SUGCT: variants seen among roughly 807,000 people sequenced by gnomAD.
The protein encoded by SUGCT is succinyl-CoA:glutarate CoA-transferase.
In SUGCT, 41 loss-of-function variants were observed where a neutral mutation model predicts 55.0. That is an observed-to-expected ratio of 0.74 (90% CI 0.58 to 0.97). The LOEUF is 0.97. SUGCT is among the 50% of genes least tolerant of loss of function. SUGCT has a pLI of 0.00. For missense variants in SUGCT, 568 were observed against 547.8 expected, an observed-to-expected ratio of 1.04 and a Z score of -0.37; for synonymous variants, 187 against 200.4, an observed-to-expected ratio of 0.93 and a Z score of 0.56.
intron 13 of SUGCT, among the ~76,000 whole-genome samples, chr7:40,855,243 A>C (rs1217482397): frequency 1.3e-5 from 2 of 149,820 alleles, no homozygotes; most frequent in Non-Finnish European, 3.0e-5. Flanking sequence ...TCTATTCCTC[A>C]TATTCTTTGT....
intron 12 of SUGCT, among the ~76,000 whole-genome samples, chr7:40,612,356 G>A (rs987474481): frequency 3.3e-5 from 5 of 152,174 alleles, no homozygotes; most frequent in African/African-American, 1.2e-4. Flanking sequence ...CTTTAGTGAG[G>A]TTGAATACTT....
intron 12 of SUGCT, among the ~76,000 whole-genome samples, chr7:40,573,685 C>T (rs998179308): frequency 1.1e-4 from 16 of 152,150 alleles, no homozygotes; most frequent in Admixed American, 5.9e-4. Flanking sequence ...TTGTGTCCTA[C>T]GGTTTTGAGA....
chr7:40,392,293 A>G (rs1583583622), intron 9 of SUGCT, among the ~76,000 whole-genome samples: 1 of 152,358 alleles, frequency 6.6e-6, no homozygotes, highest in African/African-American at 2.4e-5. Context: ...TAATAATAAA[A>G]TAAATACATA....
chr7:40,214,369 G>A (rs922996701), intron 6 of SUGCT, among the ~76,000 whole-genome samples: 15 of 152,084 alleles, frequency 9.9e-5, no homozygotes, highest in African/African-American at 3.6e-4. Flanking sequence ...TGTATTACCT[G>A]ACATAATATT....
At chr7:40,357,010 C>T (rs1797913699) in intron 9 of SUGCT, among the ~76,000 whole-genome samples, 1 of 152,138 alleles carries the variant, frequency 6.6e-6, no homozygotes, top group South Asian at 2.1e-4. Flanking sequence ...TTTCTCTGGA[C>T]ACATTTCTTT....
chr7:40,699,857 C>CA (rs1403494438), intron 12 of SUGCT, among the ~76,000 whole-genome samples: 1 of 151,694 alleles, frequency 6.6e-6, no homozygotes. Flanking sequence ...GACTCCATCT[C>CA]AAAAAAATAA....
intron 9 of SUGCT, among the ~76,000 whole-genome samples, chr7:40,383,925 C>A (rs1583566099): frequency 1.3e-5 from 2 of 152,160 alleles, no homozygotes; most frequent in African/African-American, 4.8e-5. Context: ...CAGATCTCCC[C>A]CCGCTGCCCC....
chr7:40,468,251 T>C (rs1397271466), intron 11 of SUGCT, among the ~76,000 whole-genome samples: 1 of 152,206 alleles, frequency 6.6e-6, no homozygotes, highest in African/African-American at 2.4e-5. Context: ...TTTTTATGTG[T>C]ACGTTTTTCA....
chr7:40,888,724 A>C, the SUGCT span, among the ~76,000 whole-genome samples: 2 of 152,220 alleles, frequency 1.3e-5, no homozygotes, highest in Non-Finnish European at 2.9e-5. Context: ...GATTTATGGC[A>C]GACCACAGAT....
chr7:40,695,070 C>T (rs1053517949), intron 12 of SUGCT, among the ~76,000 whole-genome samples: 4 of 152,262 alleles, frequency 2.6e-5, no homozygotes, highest in Middle Eastern at 6.8e-3. Flanking sequence ...TTGCCATCTG[C>T]ACCCAAATAG....
chr7:40,453,678 G>A (rs932323274), intron 10 of SUGCT, among the ~76,000 whole-genome samples: 10 of 152,170 alleles, frequency 6.6e-5, no homozygotes, highest in African/African-American at 2.2e-4. Context: ...CAGGTCAATT[G>A]TCTGCTAAAC....
chr7:41,034,404 A>C, the SUGCT span, among the ~76,000 whole-genome samples: 2 of 152,268 alleles, frequency 1.3e-5, no homozygotes, highest in Admixed American at 1.3e-4. Context: ...CTTGGGTCAA[A>C]CAATCAAGTG....
rs553926987 is a variant in SUGCT at position 40,421,817 on chromosome 7, T to A, written c.817-27470T>A. 2.0e-5 allele frequency among the ~76,000 whole-genome samples: 3 copies of A among 152,292 alleles called. No homozygotes were observed. In the East Asian group the frequency reaches 5.8e-4, roughly 29 times the overall value. On this transcript the variant is annotated intron_variant, in intron 9 of 13. Coordinates refer to ENST00000335693, the MANE Select transcript of SUGCT (RefSeq NM_001193313.2). ...ATCACTCTTAGGACTGTGTACTCAC[T>A]GATACTTGTCACCTAGTAAGACTGT...
At chr7:40,988,382 G>A in the SUGCT span, among the ~76,000 whole-genome samples, 1 of 151,384 alleles carries the variant, frequency 6.6e-6, no homozygotes, top group African/African-American at 2.4e-5. Context: ...CTCCTCTCCA[G>A]GAGCAGATTC....
At chr7:40,874,047 T>C in the SUGCT span, among the ~76,000 whole-genome samples, 75,800 of 152,090 alleles carry the variant, frequency 0.5, 19,962 homozygotes, top group East Asian at 0.9. Context: ...ACTGGCATAT[T>C]TGGAAATAGA....
rs1796373884 is a variant in SUGCT, at chr7:40,332,468, T to TA, written c.816+15614dup. Among the ~76,000 whole-genome samples, 13 of 151,218 alleles carry TA rather than the reference T, an allele frequency of 8.6e-5. No individual in the cohort carries two copies. In the South Asian group the frequency reaches 2.7e-3, roughly 31 times the overall value. On this transcript the variant is annotated intron_variant, in intron 9 of 13. Transcript: ENST00000335693. The stretch of plus-strand genomic sequence containing the variant: ...ATTTTTTTTTTTGTTTTTTTTTTTT[T>TA]ACATAGTTAAATTTAAGATATATTT...
chr7:40,821,687 C>T (rs1258279953), intron 13 of SUGCT, among the ~76,000 whole-genome samples: 1 of 152,034 alleles, frequency 6.6e-6, no homozygotes, highest in Admixed American at 6.6e-5. Flanking sequence ...AGCGGTCTGT[C>T]AATTTTGTTG....
At chr7:40,755,905 A>G (rs1562983888) in intron 13 of SUGCT, among the ~76,000 whole-genome samples, 1 of 152,166 alleles carries the variant, frequency 6.6e-6, no homozygotes, top group Non-Finnish European at 1.5e-5. Flanking sequence ...CAGGTTCTTC[A>G]ATATACTTTA....
intron 12 of SUGCT, among the ~76,000 whole-genome samples, chr7:40,599,302 T>C (rs1798177275): frequency 6.6e-6 from 1 of 152,172 alleles, no homozygotes. Flanking sequence ...ATTAAATTGT[T>C]CGCTGTAAAT....
Sources: allele counts gnomAD v4.1 joint callset (sites outside exome capture counted in the v4.1 genomes callset), GRCh38; gene constraint gnomAD v4.1.1; transcripts MANE v1.5; gene names NCBI Gene and HGNC (gene_info 2026-07-23, HGNC 2026-07-21).